Variants in DMRT1 observed in about 807,000 individuals in gnomAD.
The protein encoded by DMRT1 is doublesex- and mab-3-related transcription factor 1.
Under a neutral mutation model 32.3 loss-of-function variants are expected in DMRT1, and 7 were observed. The observed-to-expected ratio is 0.22, with a 90% confidence interval of 0.12 to 0.41. The LOEUF is 0.41. Ranked by LOEUF, DMRT1 falls within the 10% of genes least tolerant of loss-of-function variation. The pLI is 1.00. For missense variants in DMRT1, 625 were observed against 500.5 expected (o/e 1.25, Z -2.37); for synonymous variants, 278 against 206.1 (o/e 1.35, Z -2.99).
chr9:848,584 C>T (rs751202811), intron 2 of DMRT1, among the ~76,000 whole-genome samples: 3 of 133,406 alleles, frequency 2.2e-5, no homozygotes, highest in African/African-American at 8.4e-5. Flanking sequence ...GATGGAGTCT[C>T]ACTCTGTTGC....
Position 941,226 on chromosome 9 carries a change from A to G in DMRT1, c.967+24319A>G, listed in dbSNP as rs149991268. ...GGGTCCAGAGATATTTGTACACTCA[A>G]TGTTCACAGCAGCATAAATGGGGGT... On this transcript the variant is annotated intron_variant, in intron 4 of 4. Transcript: ENST00000382276. 1.3e-3 allele frequency among the ~76,000 whole-genome samples: 197 copies of G among 152,244 alleles called. 1 individual carries two copies. Among genetic ancestry groups the G allele is most frequent in the African/African-American group, 4.6e-3 (191 of 41,558 alleles).
At chr9:961,452 G>C (rs934897403) in intron 4 of DMRT1, among the ~76,000 whole-genome samples, 1 of 152,182 alleles carries the variant, frequency 6.6e-6, no homozygotes, top group African/African-American at 2.4e-5. Flanking sequence ...CCAAATGCTA[G>C]TCTGAAGGGA....
Position 894,082 on chromosome 9 carries a change from G to A in DMRT1, c.709G>A (p.Ala237Thr), listed in dbSNP as rs1564230220. The A allele has an allele frequency of 1.2e-6, 2 of 1,614,244 alleles. No individual in the cohort carries two copies. The highest frequency in any genetic ancestry group is 2.7e-5 in the African/African-American group (2 of 75,062). ...NCPQYSMALA[A>T]DSASGEVGNP... The stretch of plus-strand genomic sequence containing the variant: ...CCCGCAGTACTCCATGGCCTTGGCT[G>A]CTGATTCTGCTTCTGGGGAGGTGGG... Residue 237 changes from alanine (A) to threonine (T), a missense_variant, in exon 3 of 5, where the codon GCT (alanine) becomes ACT (threonine). Ala to Thr is a moderately conservative substitution (Grantham distance 58). Transcript: ENST00000382276.
intron 4 of DMRT1, among the ~76,000 whole-genome samples, chr9:931,597 G>A (rs563160533): frequency 1.2e-4 from 18 of 152,274 alleles, no homozygotes; most frequent in African/African-American, 3.4e-4. Flanking sequence ...GTTGCTTTCC[G>A]GTAAGGCTTC....
chr9:883,032 A>G (rs1313735331), intron 2 of DMRT1, among the ~76,000 whole-genome samples: 1 of 151,766 alleles, frequency 6.6e-6, no homozygotes, highest in Non-Finnish European at 1.5e-5. Context: ...TCGGCCTCTC[A>G]AAGTGCTGGG....
chr9:854,056 C>A (rs1330078227), intron 2 of DMRT1, among the ~76,000 whole-genome samples: 1 of 151,754 alleles, frequency 6.6e-6, no homozygotes, highest in Non-Finnish European at 1.5e-5. Context: ...GAGTTGAACT[C>A]CTGCTTCAGC....
intron 3 of DMRT1, among the ~76,000 whole-genome samples, chr9:907,439 C>G (rs1178214392): frequency 1.3e-5 from 2 of 152,120 alleles, no homozygotes; most frequent in African/African-American, 4.8e-5. Flanking sequence ...TGAGCTAGTC[C>G]CAGCCAGACA....
At chr9:914,107 A>G (rs1818086704) in intron 3 of DMRT1, among the ~76,000 whole-genome samples, 1 of 152,158 alleles carries the variant, frequency 6.6e-6, no homozygotes, top group South Asian at 2.1e-4. Context: ...GCAGTGCTCT[A>G]ATTGATAACT....
chr9:854,558 A>G (rs531364181), intron 2 of DMRT1, among the ~76,000 whole-genome samples: 1 of 152,330 alleles, frequency 6.6e-6, no homozygotes, highest in African/African-American at 2.4e-5. Flanking sequence ...CAAATAAGCA[A>G]TAAAAGCGTT....
At chr9:885,853 G>T (rs533891186) in intron 2 of DMRT1, among the ~76,000 whole-genome samples, 5 of 152,298 alleles carry the variant, frequency 3.3e-5, no homozygotes, top group Admixed American at 2.0e-4. Flanking sequence ...TTCTGTAATG[G>T]ACTGTAAGGG....
intron 3 of DMRT1, among the ~76,000 whole-genome samples, chr9:903,122 T>C (rs993058018): frequency 3.9e-5 from 6 of 152,222 alleles, no homozygotes; most frequent in African/African-American, 9.7e-5. Flanking sequence ...TTCTGCAACA[T>C]AATTCCTCAT....
rs1818537315 is a variant in DMRT1 at position 926,702 on chromosome 9, A to G, written c.967+9795A>G. On this transcript the variant is annotated intron_variant, in intron 4 of 4. Transcript: ENST00000382276. ...AAGACACAGGTAGAGAGAGAGAGAGAGAGAGAGAGAGAGAGAAGCTCTGGA... is the reference window on the plus strand; with the variant it reads ...AAGACACAGGTAGAGAGAGAGAGAGGGAGAGAGAGAGAGAGAAGCTCTGGA... Among the ~76,000 whole-genome samples, 3 of 152,150 alleles carry G rather than the reference A, an allele frequency of 2.0e-5. No individual in the cohort carries two copies. In the South Asian group the frequency reaches 6.2e-4, roughly 32 times the overall value.
chr9:893,616 T>C (rs1285246533), intron 2 of DMRT1, among the ~76,000 whole-genome samples: 1 of 152,246 alleles, frequency 6.6e-6, no homozygotes, highest in East Asian at 1.9e-4. Context: ...GACATTAGGA[T>C]AGGAATTTCT....
intron 3 of DMRT1, among the ~76,000 whole-genome samples, chr9:914,129 G>C (rs935251432): frequency 1.3e-5 from 2 of 152,196 alleles, no homozygotes; most frequent in African/African-American, 4.8e-5. Context: ...GGTGTGTGTA[G>C]TAAACAGCTA....
intron 4 of DMRT1, among the ~76,000 whole-genome samples, chr9:951,141 G>A (rs1170829051): frequency 6.6e-6 from 1 of 152,028 alleles, no homozygotes; most frequent in East Asian, 1.9e-4. Flanking sequence ...TTAAATCCTA[G>A]AGCCTCATTG....
intron 2 of DMRT1, among the ~76,000 whole-genome samples, chr9:853,710 G>A (rs1699638566): frequency 6.6e-6 from 1 of 151,966 alleles, no homozygotes; most frequent in African/African-American, 2.4e-5. Context: ...TCACCATGTT[G>A]GCCAGGTTGG....
At chr9:875,948 A>G (rs1046279992) in intron 2 of DMRT1, among the ~76,000 whole-genome samples, 1 of 152,160 alleles carries the variant, frequency 6.6e-6, no homozygotes, top group African/African-American at 2.4e-5. Context: ...AAGAGGTGCC[A>G]CATGTGATTG....
chr9:856,271 T>A (rs1387239439), intron 2 of DMRT1, among the ~76,000 whole-genome samples: 1 of 152,198 alleles, frequency 6.6e-6, no homozygotes, highest in East Asian at 1.9e-4. Context: ...CGACTTAAGA[T>A]GTAATTCATA....
intron 2 of DMRT1, among the ~76,000 whole-genome samples, chr9:891,198 A>G (rs1369453262): frequency 1.3e-5 from 2 of 151,688 alleles, no homozygotes; most frequent in African/African-American, 4.8e-5. Context: ...AAAAAAAAAA[A>G]AAGCTAAGAG....
Sources: allele counts gnomAD v4.1 joint callset (sites outside exome capture counted in the v4.1 genomes callset), GRCh38; gene constraint gnomAD v4.1.1; transcripts MANE v1.5; gene names NCBI Gene and HGNC (gene_info 2026-07-23, HGNC 2026-07-21).